The following ATXN1 variants were observed in gnomAD, a reference collection of about 807,000 sequenced individuals.
ATXN1 encodes ataxin 1, also known as ataxin-1.
Under a neutral mutation model 56.4 loss-of-function variants are expected in ATXN1, and 8 were observed. The observed-to-expected ratio is 0.14, with a 90% confidence interval of 0.08 to 0.26. ATXN1 has a LOEUF of 0.26. Ranked by LOEUF, ATXN1 falls within the 10% of genes least tolerant of loss-of-function variation. ATXN1 has a pLI of 1.00. For synonymous variants in ATXN1, 514 were observed against 494.6 expected, an observed-to-expected ratio of 1.04 and a Z score of -0.52; for missense variants, 987 against 1,106.5, an observed-to-expected ratio of 0.89 and a Z score of 1.53.
chr6:16,348,940 G>C (rs1761507096), intron 6 of ATXN1, among the ~76,000 whole-genome samples: 1 of 152,154 alleles, frequency 6.6e-6, no homozygotes, highest in Non-Finnish European at 1.5e-5. Flanking sequence ...GTGTATATCT[G>C]ATGCAAGTTA....
chr6:16,390,680 T>TCACACACA (rs57705650), intron 6 of ATXN1, among the ~76,000 whole-genome samples: 83 of 147,264 alleles, frequency 5.6e-4, no homozygotes, highest in African/African-American at 1.5e-3. Context: ...AATAAACACA[T>TCACACACA]CACACACACA....
intron 6 of ATXN1, among the ~76,000 whole-genome samples, chr6:16,401,698 G>A (rs1266365619): frequency 6.6e-6 from 1 of 152,192 alleles, no homozygotes; most frequent in Non-Finnish European, 1.5e-5. Flanking sequence ...GTTCTCAGCA[G>A]TTACAACAAA....
At chr6:16,604,583 CTCT>C (rs1217189531) in intron 3 of ATXN1, among the ~76,000 whole-genome samples, 2 of 148,780 alleles carry the variant, frequency 1.3e-5, no homozygotes, top group South Asian at 2.1e-4. Flanking sequence ...GATTTTGTTT[CTCT>C]TCTTTTTTTT....
chr6:16,353,200 G>A (rs1248883444), intron 6 of ATXN1, among the ~76,000 whole-genome samples: 2 of 152,174 alleles, frequency 1.3e-5, no homozygotes, highest in Non-Finnish European at 1.5e-5. Context: ...AACGGGGGAC[G>A]TCTGGCTGCG....
At position 16,306,065 on chromosome 6, in the gene ATXN1, G is replaced by A. The variant is rs1760238807; in HGVS notation, c.*264C>T. ...GAGAAGGCAGGCACTGTGAAGCCCC[G>A]TTCCTTTCTTCCCCGGGGATGCCTG... On this transcript the variant is annotated 3_prime_UTR_variant, in exon 8 of 8. Coordinates refer to ENST00000436367, the MANE Select transcript of ATXN1 (RefSeq NM_001128164.2). This position sits in a 1 kb window ranked among gnomAD's most constrained non-coding sequence, Gnocchi z 5.2. The A allele has an allele frequency of 2.8e-6, 1 of 351,070 alleles. No homozygotes were observed. The highest frequency in any genetic ancestry group is 5.3e-6 in the Non-Finnish European group (1 of 189,226). 21.7% of individuals were successfully genotyped at this position (351,070 alleles called of 1,614,324 possible).
chr6:16,558,104 G>A lies in ATXN1; in HGVS notation c.-361+27676C>T, dbSNP rs530009508. 1.6e-4 allele frequency among the ~76,000 whole-genome samples: 25 copies of A among 152,134 alleles called. No individual in the cohort carries two copies. The South Asian group carries it at 5.0e-3, about 30-fold the overall frequency. The stretch of plus-strand genomic sequence containing the variant: ...GTAAAATTAGGTTTTGATGATGATT[G>A]TATAATTCTATGAATAGATTAAAAA... On this transcript the variant is annotated intron_variant, in intron 4 of 7. Transcript: ENST00000436367.
intron 4 of ATXN1, among the ~76,000 whole-genome samples, chr6:16,556,912 AT>A (rs1362856867): frequency 1.3e-5 from 2 of 152,234 alleles, no homozygotes; most frequent in African/African-American, 4.8e-5. Flanking sequence ...AAACAAAAGA[AT>A]ATACAAAAAT....
At chr6:16,465,257 G>A (rs943788975) in intron 6 of ATXN1, among the ~76,000 whole-genome samples, 2 of 152,148 alleles carry the variant, frequency 1.3e-5, no homozygotes, top group Non-Finnish European at 2.9e-5. Context: ...AAGGGCAGGA[G>A]ACCAGCCTGG....
At chr6:16,417,566 G>A (rs964472826) in intron 6 of ATXN1, among the ~76,000 whole-genome samples, 1 of 151,926 alleles carries the variant, frequency 6.6e-6, no homozygotes, top group Non-Finnish European at 1.5e-5. Context: ...AGCCTCCCGA[G>A]TAGCTAGGAC....
chr6:16,526,649 C>T (rs1157336659), intron 4 of ATXN1, among the ~76,000 whole-genome samples: 1 of 151,736 alleles, frequency 6.6e-6, no homozygotes, highest in Admixed American at 6.6e-5. Context: ...CCTGTAATCC[C>T]AGCTACTCGG....
chr6:16,472,149 G>C (rs1215267744), intron 6 of ATXN1, among the ~76,000 whole-genome samples: 2 of 152,124 alleles, frequency 1.3e-5, no homozygotes, highest in African/African-American at 4.8e-5. Flanking sequence ...CACGCAGGTG[G>C]CAGCATATGC....
At chr6:16,577,307 T>C (rs1460180817) in intron 4 of ATXN1, among the ~76,000 whole-genome samples, 1 of 152,104 alleles carries the variant, frequency 6.6e-6, no homozygotes, top group Non-Finnish European at 1.5e-5. Context: ...GTGGATCACC[T>C]GAGGCCAGGA....
intron 2 of ATXN1, among the ~76,000 whole-genome samples, chr6:16,727,206 CA>C (rs1759869744): frequency 6.6e-6 from 1 of 152,108 alleles, no homozygotes; most frequent in Admixed American, 6.5e-5. Context: ...CAAAATCTTT[CA>C]TAATTGTTTA....
intron 6 of ATXN1, among the ~76,000 whole-genome samples, chr6:16,464,039 G>A (rs1760051435): frequency 6.6e-6 from 1 of 152,164 alleles, no homozygotes; most frequent in African/African-American, 2.4e-5. Flanking sequence ...TATCCAGCAG[G>A]AAGTAGCTAG....
At chr6:16,347,272 C>T (rs1167482045) in intron 6 of ATXN1, among the ~76,000 whole-genome samples, 1 of 151,836 alleles carries the variant, frequency 6.6e-6, no homozygotes, top group Non-Finnish European at 1.5e-5. Flanking sequence ...CTGTGAAGAT[C>T]CACTAGGTGA....
intron 4 of ATXN1, among the ~76,000 whole-genome samples, chr6:16,572,443 G>A (rs925093519): frequency 7.2e-5 from 11 of 152,072 alleles, no homozygotes; most frequent in Non-Finnish European, 1.5e-4. Context: ...TACACCTACG[G>A]TTCTGCCCCT....
intron 3 of ATXN1, among the ~76,000 whole-genome samples, chr6:16,642,861 A>ATGT (rs1763730381): frequency 6.6e-6 from 1 of 152,274 alleles, no homozygotes; most frequent in African/African-American, 2.4e-5. Flanking sequence ...TGGATAATTA[A>ATGT]TAGACTATAG....
intron 3 of ATXN1, among the ~76,000 whole-genome samples, chr6:16,599,010 G>A (rs767897692): frequency 2.0e-5 from 3 of 152,222 alleles, no homozygotes; most frequent in Admixed American, 6.5e-5. Context: ...CAGATGACAG[G>A]GGGACATGCC....
intron 6 of ATXN1, among the ~76,000 whole-genome samples, chr6:16,397,622 G>A (rs1260354110): frequency 2.0e-5 from 3 of 152,180 alleles, no homozygotes; most frequent in Admixed American, 2.0e-4. Context: ...AGAACTAGGG[G>A]AGAACAGTAG....
Sources: gnomAD v4.1 joint callset for allele counts (sites outside exome capture counted in the v4.1 genomes callset) on GRCh38, gnomAD v4.1.1 for gene constraint, Gnocchi (gnomAD v3.1) non-coding constraint, MANE v1.5 for transcripts, NCBI Gene and HGNC (gene_info 2026-07-23, HGNC 2026-07-21) for gene names.